GPC1: variants seen among roughly 807,000 people sequenced by gnomAD.
GPC1 encodes glypican 1.
GPC1 carries 26 observed loss-of-function variants against 51.5 expected under a neutral mutation model. The observed-to-expected ratio is 0.50, with a 90% CI of 0.37 to 0.70. The LOEUF is 0.70. Among genes scored for constraint, GPC1 ranks in the 30% least tolerant of loss-of-function variants. GPC1 has a pLI of 0.00. For synonymous variants in GPC1, 380 were observed against 348.3 expected, an observed-to-expected ratio of 1.09 and a Z score of -1.01; for missense variants, 775 against 800.5, an observed-to-expected ratio of 0.97 and a Z score of 0.38.
intron 1 of GPC1, chr2:240,458,289 A>C (rs555584984): frequency 9.3e-5 from 25 of 269,732 alleles, no homozygotes; most frequent in African/African-American, 4.4e-4. Context: ...TCCTGTCCCC[A>C]CTCCCCACAA....
rs906832572 is a variant in GPC1, at chr2:240,459,052, C to T, written c.189C>T (p.Pro63=). The T allele has an allele frequency of 9.3e-6, 15 of 1,612,838 alleles. No homozygotes were observed. In the South Asian group the frequency reaches 1.5e-4, roughly 17 times the overall value. ...CAGGTGAGCACCTGCGGATCTGTCC[C>T]CAGGGCTACACCTGCTGCACCAGCG... ...EISGEHLRIC[P]QGYTCCTSEM... Residue 63 remains proline, a synonymous_variant, in exon 2 of 9, where the codon CCC becomes CCT. Transcript: ENST00000264039.
At chr2:240,450,425 G>A (rs948815344) in intron 1 of GPC1, 12 of 361,608 alleles carry the variant, frequency 3.3e-5, no homozygotes, top group Non-Finnish European at 4.5e-5. Context: ...GCTGGGCCCC[G>A]TGCTGCTACT....
intron 1 of GPC1, among the ~76,000 whole-genome samples, chr2:240,442,128 C>T (rs542200650): frequency 3.3e-5 from 5 of 152,336 alleles, no homozygotes; most frequent in South Asian, 4.1e-4. Flanking sequence ...CCTCCCTCCA[C>T]GGTGTCCTCC....
chr2:240,452,919 G>C, intron 1 of GPC1: 1 of 295,824 alleles, frequency 3.4e-6, no homozygotes, highest in Non-Finnish European at 6.8e-6. Flanking sequence ...CGCCTCCTGC[G>C]AGCCCTTCCG....
chr2:240,448,891 T>A lies in GPC1; in HGVS notation c.167-10139T>A, dbSNP rs952787028. Among the ~76,000 whole-genome samples, 2 of 152,012 alleles carry A rather than the reference T, an allele frequency of 1.3e-5. No individual in the cohort carries two copies. The highest frequency in any genetic ancestry group is 2.9e-5 in the Non-Finnish European group (2 of 67,962). ...TGACCCTAGTTTTGCAAGAGTGGCC[T>A]AATCTCCATACCTGGGCTCGGGGTG... On this transcript the variant is annotated intron_variant, in intron 1 of 8. Transcript: ENST00000264039. This position sits in a 1 kb window ranked among gnomAD's most constrained non-coding sequence, Gnocchi z 4.5.
At chr2:240,450,610 C>G (rs3749127) in intron 1 of GPC1, 6,252 of 470,840 alleles carry the variant, frequency 0.013, 425 homozygotes, top group Admixed American at 0.13. Context: ...GGAGCCCTCA[C>G]CATGTGTGAC....
chr2:240,450,925 G>A (rs974772793), intron 1 of GPC1: 4 of 404,634 alleles, frequency 9.9e-6, no homozygotes, highest in African/African-American at 2.1e-5. Context: ...GAGGCTTCCT[G>A]AGGGAGGTGA....
chr2:240,441,388 C>G (rs950083386), intron 1 of GPC1, among the ~76,000 whole-genome samples: 14 of 152,244 alleles, frequency 9.2e-5, no homozygotes, highest in Admixed American at 5.9e-4. Context: ...CTGCCGTGCC[C>G]GGGCCAGTGA....
intron 1 of GPC1, among the ~76,000 whole-genome samples, chr2:240,442,904 C>G (rs7572255): frequency 2.0e-5 from 3 of 152,070 alleles, no homozygotes; most frequent in Non-Finnish European, 4.4e-5. Context: ...GGAGTGACCA[C>G]GCCCCAGCCT....
chr2:240,464,823 CT>C (rs1465957240), intron 5 of GPC1, 32 bp from the exon 6 acceptor site: 17 of 1,563,946 alleles, frequency 1.1e-5, no homozygotes, highest in Non-Finnish European at 1.4e-5. Flanking sequence ...AGGGGCCCCA[CT>C]ACCCCCCAAG....
At chr2:240,463,555 A>C in intron 4 of GPC1, 43 bp downstream of exon 4, 1 of 1,569,612 alleles carries the variant, frequency 6.4e-7, no homozygotes. Flanking sequence ...TGTCTTGGGG[A>C]GTGCACGACT....
chr2:240,435,999 C>A lies in GPC1; in HGVS notation c.81C>A (p.Ser27Arg). 1 of 1,381,904 alleles carries A rather than the reference C, an allele frequency of 7.2e-7. No individual in the cohort carries two copies. Among genetic ancestry groups the A allele is most frequent in the South Asian group, 1.7e-5 (1 of 58,862 alleles). 85.6% of individuals were successfully genotyped at this position (1,381,904 alleles called of 1,614,324 possible). A position where few individuals can be genotyped will look rare whatever the true frequency, so the allele number is the denominator to read the frequency against. ...CCTGCGCCCGCGGGGACCCGGCCAGCAAGAGCCGGAGCTGCGGCGAGGTCC... is the reference window on the plus strand; with the variant it reads ...CCTGCGCCCGCGGGGACCCGGCCAGAAAGAGCCGGAGCTGCGGCGAGGTCC... Reference protein sequence around the residue: ...LVACARGDPASKSRSCGEVRQ... With the variant: ...LVACARGDPARKSRSCGEVRQ... Residue 27 changes from serine (S) to arginine (R), a missense_variant, in exon 1 of 9, where the codon AGC (serine) becomes AGA (arginine). Coordinates refer to ENST00000264039, the MANE Select transcript of GPC1 (RefSeq NM_002081.3).
intron 2 of GPC1, among the ~76,000 whole-genome samples, 173 bp from the exon 3 acceptor site, chr2:240,462,017 CG>C (rs1559202088): frequency 1.3e-5 from 2 of 152,028 alleles, no homozygotes; most frequent in African/African-American, 4.8e-5. Flanking sequence ...GGTGAGGTCT[CG>C]GGGCGCCCCA....
intron 1 of GPC1, chr2:240,456,827 T>G: frequency 3.1e-6 from 1 of 327,314 alleles, no homozygotes; most frequent in South Asian, 2.4e-5. Context: ...TGAAGGATGG[T>G]CCCTGGCGAG....
intron 4 of GPC1, chr2:240,464,259 T>C (rs1441985730): frequency 3.1e-6 from 1 of 319,302 alleles, no homozygotes; most frequent in Admixed American, 4.1e-5. Context: ...TCACACGGGC[T>C]CATGTGCACA....
In GPC1 at chr2:240,459,204, G is replaced by A. The variant is rs1383697974; in HGVS notation, c.325+16G>A. On this transcript the variant is annotated intron_variant, in intron 2 of 8. Transcript: ENST00000264039. ...AGCTTCGATGGTGAGTGCCTCCCAC[G>A]GGCGCTCGGGGCCCGCAGGGTGCCG... is the stretch of plus-strand genomic sequence containing the variant. The A allele has an allele frequency of 1.9e-5, 31 of 1,606,700 alleles. 1 individual carries two copies. Among genetic ancestry groups the A allele is most frequent in the South Asian group, 6.6e-5 (6 of 90,494 alleles).
In GPC1 at chr2:240,467,893, C is replaced by T. The variant is rs1423261618; in HGVS notation, c.*1603C>T. On this transcript the variant is annotated 3_prime_UTR_variant, in exon 9 of 9. Coordinates refer to ENST00000264039, the MANE Select transcript of GPC1 (RefSeq NM_002081.3). ...AGCACTCCCGCTGCACACAGACGGC[C>T]TAGGGGTGGCGCTCAGACCCCACCC... is the stretch of plus-strand genomic sequence containing the variant. 6.6e-6 allele frequency: 1 copy of T among 152,278 alleles called. No individual in the cohort carries two copies. The highest frequency in any genetic ancestry group is 1.5e-5 in the Non-Finnish European group (1 of 68,110). The allele number at this position is 152,278 out of a possible 1,614,324, so 9.4% of individuals were successfully genotyped here.
chr2:240,461,182 C>T (rs1361712733), intron 2 of GPC1, among the ~76,000 whole-genome samples: 5 of 152,190 alleles, frequency 3.3e-5, no homozygotes, highest in Non-Finnish European at 1.5e-5. Context: ...CTGTGTGGCC[C>T]GTCCACCCTC....
rs1434750454 is a variant in GPC1 at position 240,464,872 on chromosome 2, G to A, written c.1031G>A (p.Gly344Glu). Residue 344 changes from glycine to glutamate, a missense_variant, in exon 6 of 9, where the codon GGG becomes GAG. Gly to Glu is a moderately conservative substitution (Grantham distance 98). Transcript: ENST00000264039. ...TLTAKVIQGC[G>E]NPKVNPQGPG... Reference sequence around the variant, plus strand: ...TCTCTCCAGGTCATCCAGGGCTGCGGGAACCCCAAGGTCAACCCCCAGGGC... The same window carrying A: ...TCTCTCCAGGTCATCCAGGGCTGCGAGAACCCCAAGGTCAACCCCCAGGGC... 1 of 1,554,852 alleles carries A rather than the reference G, an allele frequency of 6.4e-7. No homozygotes were observed. The highest frequency in any genetic ancestry group is 8.7e-7 in the Non-Finnish European group (1 of 1,148,752).
Sources: allele counts gnomAD v4.1 joint callset (sites outside exome capture counted in the v4.1 genomes callset), GRCh38; gene constraint gnomAD v4.1.1; non-coding constraint Gnocchi (gnomAD v3.1); transcripts MANE v1.5; gene names NCBI Gene and HGNC (gene_info 2026-07-23, HGNC 2026-07-21).